Variants in EIPR1 observed in about 807,000 individuals in gnomAD.
EIPR1 encodes EARP complex and GARP complex interacting protein 1.
A neutral mutation model predicts 48.1 loss-of-function variants in EIPR1; 25 were observed. The ratio of observed to expected loss-of-function variants is 0.52; its 90% CI spans 0.38 to 0.73. EIPR1 has a LOEUF of 0.73. EIPR1 is among the 30% of genes least tolerant of loss of function. The pLI, the probability that EIPR1 is intolerant of heterozygous loss-of-function variation, is 0.00. For synonymous variants in EIPR1, 204 were observed against 201.9 expected (o/e 1.01, Z -0.09); for missense variants, 415 against 506.2 (o/e 0.82, Z 1.73).
intron 3 of EIPR1, chr2:3,319,617 C>T (rs1669429413): frequency 6.1e-6 from 1 of 165,160 alleles, no homozygotes; most frequent in Non-Finnish European, 1.3e-5. Context: ...GTACCGGCTA[C>T]AGTCGAGGCT....
At chr2:3,246,379 CCCT>C (rs1234031305) in intron 4 of EIPR1, among the ~76,000 whole-genome samples, 1 of 152,164 alleles carries the variant, frequency 6.6e-6, no homozygotes, top group Non-Finnish European at 1.5e-5. Flanking sequence ...ACAAAATGCC[CCCT>C]GTGCCTGGCG....
At chr2:3,280,723 T>C (rs1667989826) in intron 3 of EIPR1, among the ~76,000 whole-genome samples, 1 of 152,176 alleles carries the variant, frequency 6.6e-6, no homozygotes, top group Non-Finnish European at 1.5e-5. Flanking sequence ...TTCCACAATA[T>C]GGCTCCTAGA....
intron 3 of EIPR1, among the ~76,000 whole-genome samples, chr2:3,267,127 A>G (rs1486057819): frequency 6.6e-6 from 1 of 152,218 alleles, no homozygotes; most frequent in Admixed American, 6.5e-5. Context: ...AGTCCACCTC[A>G]GAGGGCCCAG....
chr2:3,278,445 C>T (rs1430320754), intron 3 of EIPR1, among the ~76,000 whole-genome samples: 3 of 152,236 alleles, frequency 2.0e-5, no homozygotes, highest in African/African-American at 7.2e-5. Flanking sequence ...AGTACCCTCC[C>T]TCCGTGCAGA....
At position 3,257,588 on chromosome 2, in the gene EIPR1, A is replaced by G. The variant is rs906176908; in HGVS notation, c.260-133T>C. ...CTTTAAAATATGTACGATTGCAGGC[A>G]GCAAAGACGGAGCAGGGAGAAGCAC... On this transcript the variant is annotated intron_variant, in intron 3 of 8. Transcript: ENST00000382125. The G allele has an allele frequency of 1.8e-5, 20 of 1,124,516 alleles. No individual in the cohort carries two copies. The African/African-American group carries it at 2.8e-4, about 16-fold the overall frequency. 69.7% of individuals were successfully genotyped at this position (1,124,516 alleles called of 1,614,324 possible).
chr2:3,220,351 T>A (rs1572317099), intron 4 of EIPR1, among the ~76,000 whole-genome samples: 1 of 150,578 alleles, frequency 6.6e-6, no homozygotes, highest in Non-Finnish European at 1.5e-5. Flanking sequence ...ATGGCCATGG[T>A]ACATTTTACA....
chr2:3,367,738 T>C (rs941452152), intron 1 of EIPR1, among the ~76,000 whole-genome samples: 1 of 152,132 alleles, frequency 6.6e-6, no homozygotes, highest in African/African-American at 2.4e-5. Flanking sequence ...TCCATGGATA[T>C]AAAAAGGCAT....
chr2:3,369,697 T>C (rs542641815), intron 1 of EIPR1, among the ~76,000 whole-genome samples: 1 of 152,214 alleles, frequency 6.6e-6, no homozygotes, highest in East Asian at 1.9e-4. Flanking sequence ...GCGCCCGCCA[T>C]TGCCCAGGAT....
chr2:3,281,947 A>G (rs1329187357), intron 3 of EIPR1, among the ~76,000 whole-genome samples: 1 of 152,230 alleles, frequency 6.6e-6, no homozygotes, highest in Non-Finnish European at 1.5e-5. Context: ...AGGGGCTCAC[A>G]TGAATGGAAC....
Position 3,377,779 on chromosome 2 carries a change from C to T in EIPR1, c.-90G>A. 6.7e-7 allele frequency: 1 copy of T among 1,491,990 alleles called. No individual in the cohort carries two copies. Among genetic ancestry groups the T allele is most frequent in the Non-Finnish European group, 9.1e-7 (1 of 1,099,954 alleles). 92.4% of individuals were successfully genotyped at this position (1,491,990 alleles called of 1,614,324 possible). A position where few individuals can be genotyped will look rare whatever the true frequency, so the allele number is the denominator to read the frequency against. On this transcript the variant is annotated 5_prime_UTR_variant, in exon 1 of 9. Coordinates refer to ENST00000382125, the MANE Select transcript of EIPR1 (RefSeq NM_003310.5). ...CCCCACCTCGCGGGCGTGTTCCCAGCGCCCATTCATTCCCTCCCCGCAGCA... is the reference window on the plus strand; with the variant it reads ...CCCCACCTCGCGGGCGTGTTCCCAGTGCCCATTCATTCCCTCCCCGCAGCA...
intron 5 of EIPR1, chr2:3,208,089 T>C (rs555327697): frequency 1.3e-5 from 2 of 158,682 alleles, no homozygotes; most frequent in East Asian, 3.7e-4. Flanking sequence ...AATGTCTTTT[T>C]ATGAGTCTTA....
chr2:3,192,340 C>T lies in EIPR1; in HGVS notation c.989+74G>A, dbSNP rs769097632. 25 of 1,474,928 alleles carry T rather than the reference C, an allele frequency of 1.7e-5. No homozygotes were observed. In the Admixed American group the frequency reaches 4.5e-4, roughly 27 times the overall value. The allele number at this position is 1,474,928 out of a possible 1,614,324, so 91.4% of individuals were successfully genotyped here. ...TCCTGGAAACTTTCTACATACACAG[C>T]CTGGCTCGGGAGATGGCTGTGCAGA... On this transcript the variant is annotated intron_variant, in intron 8 of 8. Transcript: ENST00000382125.
At chr2:3,327,923 A>G (rs573100835) in intron 3 of EIPR1, among the ~76,000 whole-genome samples, 2 of 152,146 alleles carry the variant, frequency 1.3e-5, no homozygotes, top group African/African-American at 4.8e-5. Flanking sequence ...GCAGTGGCAC[A>G]ATCACGGGTC....
chr2:3,302,163 C>G (rs914264022), intron 3 of EIPR1, among the ~76,000 whole-genome samples: 1 of 152,118 alleles, frequency 6.6e-6, no homozygotes. Flanking sequence ...TGAAAACTTT[C>G]CGGCATACAG....
At chr2:3,275,187 G>A (rs1051344360) in intron 3 of EIPR1, among the ~76,000 whole-genome samples, 2 of 150,964 alleles carry the variant, frequency 1.3e-5, no homozygotes, top group African/African-American at 5.0e-5. Flanking sequence ...AAAACGTAAT[G>A]ACACAGGAAG....
At chr2:3,223,030 G>A (rs1558234058) in intron 4 of EIPR1, among the ~76,000 whole-genome samples, 1 of 152,152 alleles carries the variant, frequency 6.6e-6, no homozygotes, top group Non-Finnish European at 1.5e-5. Flanking sequence ...GAGCCCAGGA[G>A]CCTCAGGGTC....
At chr2:3,350,935 T>C (rs532953446) in intron 2 of EIPR1, among the ~76,000 whole-genome samples, 1 of 112,908 alleles carries the variant, frequency 8.9e-6, no homozygotes, top group African/African-American at 3.6e-5. Flanking sequence ...AATTGAATGT[T>C]ACTTCGTTCC....
At chr2:3,314,405 T>C (rs1384568001) in intron 3 of EIPR1, among the ~76,000 whole-genome samples, 1 of 152,188 alleles carries the variant, frequency 6.6e-6, no homozygotes, top group Non-Finnish European at 1.5e-5. Flanking sequence ...TTACATTTAT[T>C]CTCCATCATG....
chr2:3,298,408 G>A (rs2103289449), intron 3 of EIPR1: 1 of 152,248 alleles, frequency 6.6e-6, no homozygotes, highest in African/African-American at 2.4e-5. Flanking sequence ...TCTTGCTAGT[G>A]TCAGATTACA....
Sources: gnomAD v4.1 joint callset for allele counts (sites outside exome capture counted in the v4.1 genomes callset) on GRCh38, gnomAD v4.1.1 for gene constraint, MANE v1.5 for transcripts, NCBI Gene and HGNC (gene_info 2026-07-23, HGNC 2026-07-21) for gene names.